The following L3HYPDH variants were observed in gnomAD, a reference collection of about 807,000 sequenced individuals.
L3HYPDH encodes the protein trans-L-3-hydroxyproline dehydratase, also known as trans-3-hydroxy-L-proline dehydratase.
L3HYPDH carries 32 observed loss-of-function variants against 26.5 expected under a neutral mutation model. The observed-to-expected ratio is 1.21, with a 90% CI of 0.91 to 1.62. The LOEUF is 1.62. Ranked by LOEUF, L3HYPDH falls within the 40% of genes most tolerant of loss-of-function variation. The pLI is 0.00. For missense variants in L3HYPDH, 554 were observed against 476.4 expected, an observed-to-expected ratio of 1.16 and a Z score of -1.52; for synonymous variants, 215 against 196.6, an observed-to-expected ratio of 1.09 and a Z score of -0.78.
At chr14:59,502,764 T>TCTTTGTTTTTGTTTTTTTC in the L3HYPDH span, among the ~76,000 whole-genome samples, 1 of 130,472 alleles carries the variant, frequency 7.7e-6, no homozygotes, top group African/African-American at 3.2e-5. Context: ...TTTTTTTTTT[T>TCTTTGTTTTTGTTTTTTTC]TTTTTTTTTC....
the L3HYPDH span, chr14:59,501,037 T>TGCTG: frequency 1.8e-6 from 1 of 566,028 alleles, no homozygotes; most frequent in South Asian, 2.3e-5. Context: ...AGAAAAAGCT[T>TGCTG]GCTGGCCACT....
At chr14:59,501,332 A>C in the L3HYPDH span, 1 of 978,930 alleles carries the variant, frequency 1.0e-6, no homozygotes, top group Non-Finnish European at 1.6e-6. Context: ...ATATCAGAAT[A>C]GTCCATATGA....
chr14:59,502,847 G>T, the L3HYPDH span, among the ~76,000 whole-genome samples: 1 of 142,656 alleles, frequency 7.0e-6, no homozygotes, highest in Non-Finnish European at 1.5e-5. Flanking sequence ...CACCTCTCGG[G>T]TTCAAGTGAT....
At chr14:59,485,030 AAATGGAATCTTAAAACTTT>A, upstream of L3HYPDH, 1 of 1,598,112 alleles carries the variant, frequency 6.3e-7, no homozygotes, top group South Asian at 1.1e-5. Context: ...CGCTGCAAAA[AAATGGAATCTTAAAACTTT>A]AGCCATCGTT....
At chr14:59,475,407 C>T (rs1889561924) in intron 4 of L3HYPDH, among the ~76,000 whole-genome samples, 1 of 152,124 alleles carries the variant, frequency 6.6e-6, no homozygotes, top group Admixed American at 6.5e-5. Context: ...ATGAATAACA[C>T]ATTTTTGTGA....
upstream of L3HYPDH, among the ~76,000 whole-genome samples, chr14:59,486,458 G>GAGAT (rs1290676020): frequency 4.3e-4 from 66 of 152,326 alleles, 1 homozygote; most frequent in Non-Finnish European, 1.2e-4. Context: ...TTGAGTCCTG[G>GAGAT]AGATAGATCC....
chr14:59,474,312 C>G (rs1054359721), intron 4 of L3HYPDH: 1 of 542,530 alleles, frequency 1.8e-6, no homozygotes, highest in African/African-American at 1.9e-5. Flanking sequence ...ACACAGTAGG[C>G]AAAGAGCCAG....
At chr14:59,470,967 G>GGGA (rs1491444325), downstream of L3HYPDH, among the ~76,000 whole-genome samples, 67 of 63,588 alleles carry the variant, frequency 1.1e-3, no homozygotes, top group African/African-American at 3.6e-3. Context: ...GGGGGGGGGG[G>GGGA]AGGGCAGGAG....
chr14:59,494,198 GAAA>G, the L3HYPDH span, among the ~76,000 whole-genome samples: 1 of 149,578 alleles, frequency 6.7e-6, no homozygotes, highest in Non-Finnish European at 1.5e-5. Flanking sequence ...CTGCTAAGTA[GAAA>G]AAAAAATAAA....
At chr14:59,478,193 T>C (rs991966463) in intron 2 of L3HYPDH, among the ~76,000 whole-genome samples, 14 of 152,236 alleles carry the variant, frequency 9.2e-5, no homozygotes, top group Non-Finnish European at 1.9e-4. Context: ...CACATGCATT[T>C]AAAATTTGCA....
At position 59,483,014 on chromosome 14, in the gene L3HYPDH, T is replaced by C. The variant is rs192162984; in HGVS notation, c.508+795A>G. ...TATAGAGATGCCCTGCTTTACATGA[T>C]AAGCTGTACAAGGATCTGTACTAGA... On this transcript the variant is annotated intron_variant, in intron 1 of 4. Transcript: ENST00000247194. Among the ~76,000 whole-genome samples the C allele has an allele frequency of 4.5e-3, 686 of 152,322 alleles. 1 individual carries two copies. Among genetic ancestry groups the C allele is most frequent in the African/African-American group, 0.016 (648 of 41,560 alleles).
At chr14:59,478,762 A>G (rs1051118653) in intron 2 of L3HYPDH, 3 of 155,920 alleles carry the variant, frequency 1.9e-5, no homozygotes, top group African/African-American at 7.2e-5. Context: ...GCCCAAGGTT[A>G]TATACGTTAC....
At chr14:59,466,674 A>G (rs1889189106) in intron 1 of L3HYPDH, among the ~76,000 whole-genome samples, 1 of 152,242 alleles carries the variant, frequency 6.6e-6, no homozygotes, top group Non-Finnish European at 1.5e-5. Flanking sequence ...TGGAGTGCTT[A>G]TTTCATTCAG....
chr14:59,466,184 C>A (rs1012705794), intron 1 of L3HYPDH, among the ~76,000 whole-genome samples: 4 of 152,160 alleles, frequency 2.6e-5, no homozygotes, highest in Admixed American at 2.6e-4. Context: ...GGGATTGGTG[C>A]CTTGCCCTGC....
At chr14:59,505,195 T>C in the L3HYPDH span, 1 of 1,035,296 alleles carries the variant, frequency 9.7e-7, no homozygotes, top group Non-Finnish European at 1.4e-6. Flanking sequence ...TCACTTTTCC[T>C]GTAGTAGTCT....
chr14:59,503,828 T>TTTC, the L3HYPDH span: 33 of 1,477,094 alleles, frequency 2.2e-5, no homozygotes, highest in Non-Finnish European at 2.8e-5. Context: ...GTATTTCTCT[T>TTTC]TTCTTTCTTT....
chr14:59,492,673 A>G, the L3HYPDH span, among the ~76,000 whole-genome samples: 1 of 152,234 alleles, frequency 6.6e-6, no homozygotes, highest in Non-Finnish European at 1.5e-5. Context: ...CTTCCAGAGG[A>G]AAAGAGCTAG....
the L3HYPDH span, chr14:59,504,051 A>G: frequency 6.8e-6 from 11 of 1,612,088 alleles, no homozygotes. Context: ...GGATACTCTC[A>G]GAAGGAGCCA....
chr14:59,501,247 A>C, the L3HYPDH span: 1 of 1,601,692 alleles, frequency 6.2e-7, no homozygotes, highest in Non-Finnish European at 8.5e-7. Flanking sequence ...GGCTGTGTAC[A>C]TGTCTGCTTC....
Sources: allele counts gnomAD v4.1 joint callset (sites outside exome capture counted in the v4.1 genomes callset), GRCh38; gene constraint gnomAD v4.1.1; transcripts MANE v1.5; gene names NCBI Gene and HGNC (gene_info 2026-07-23, HGNC 2026-07-21).